PIK3C2G: variants seen among roughly 807,000 people sequenced by gnomAD.
The protein encoded by PIK3C2G is phosphatidylinositol 3-kinase C2 domain-containing subunit gamma.
PIK3C2G carries 168 observed loss-of-function variants against 181.1 expected under a neutral mutation model. That is an observed-to-expected ratio of 0.93 (90% CI 0.82 to 1.05). The LOEUF is 1.05. Among genes scored for constraint, PIK3C2G ranks in the 50% least tolerant of loss-of-function variants. PIK3C2G has a pLI of 0.00. For missense variants in PIK3C2G, 1,869 were observed against 1,732.8 expected (o/e 1.08, Z -1.40); for synonymous variants, 573 against 592.2 (o/e 0.97, Z 0.47).
At chr12:18,400,873 A>G (rs1944213331) in intron 16 of PIK3C2G, among the ~76,000 whole-genome samples, 1 of 151,912 alleles carries the variant, frequency 6.6e-6, no homozygotes, top group South Asian at 2.1e-4. Flanking sequence ...CTTTATATAT[A>G]TAATGGAATA....
At chr12:18,373,588 G>A (rs1355830807) in intron 13 of PIK3C2G, among the ~76,000 whole-genome samples, 26 of 152,070 alleles carry the variant, frequency 1.7e-4, no homozygotes, top group African/African-American at 6.0e-4. Context: ...GGTGGCTCAC[G>A]CCTGTAATCC....
At chr12:18,577,095 G>A (rs1946268625) in intron 29 of PIK3C2G, among the ~76,000 whole-genome samples, 1 of 152,204 alleles carries the variant, frequency 6.6e-6, no homozygotes, top group South Asian at 2.1e-4. Context: ...AATATTGGAA[G>A]CAGCAGACTT....
chr12:18,591,584 G>A (rs920010922), intron 29 of PIK3C2G, among the ~76,000 whole-genome samples: 6 of 151,824 alleles, frequency 4.0e-5, no homozygotes, highest in African/African-American at 1.4e-4. Context: ...ATATAATTCA[G>A]CAAAGGTAAG....
chr12:18,593,246 C>G (rs1947179942), intron 29 of PIK3C2G, among the ~76,000 whole-genome samples: 1 of 151,854 alleles, frequency 6.6e-6, no homozygotes, highest in Non-Finnish European at 1.5e-5. Context: ...TCCTGGAGTA[C>G]TGGTTATTAG....
intron 5 of PIK3C2G, among the ~76,000 whole-genome samples, chr12:18,308,490 C>T (rs1950508863): frequency 7.8e-6 from 1 of 128,760 alleles, no homozygotes; most frequent in South Asian, 2.9e-4. Flanking sequence ...TTAAAAAGCT[C>T]TAAAATATAG....
chr12:18,258,510 A>T (rs947494143), upstream of PIK3C2G, among the ~76,000 whole-genome samples: 1 of 152,038 alleles, frequency 6.6e-6, no homozygotes, highest in Non-Finnish European at 1.5e-5. Context: ...TTTAGATTTC[A>T]CACATGAGTA....
At chr12:18,385,413 A>G (rs537748887) in intron 14 of PIK3C2G, among the ~76,000 whole-genome samples, 52 of 152,248 alleles carry the variant, frequency 3.4e-4, no homozygotes, top group Admixed American at 1.2e-3. Flanking sequence ...CAGATAATAC[A>G]TAAGTTACTG....
chr12:18,388,607 C>T (rs866665425), intron 14 of PIK3C2G, among the ~76,000 whole-genome samples: 20 of 152,188 alleles, frequency 1.3e-4, no homozygotes, highest in African/African-American at 4.3e-4. Flanking sequence ...TACGCACAGT[C>T]CAAGTGGAAG....
chr12:18,285,576 T>A lies in PIK3C2G; in HGVS notation c.679-1271T>A, dbSNP rs544305832. ...TAATAACATAATGGGTGGAAGGGGT[T>A]AAATGTTATTTTGCTATTGTAAATT... On this transcript the variant is annotated intron_variant, in intron 2 of 32. Coordinates refer to ENST00000538779, the MANE Select transcript of PIK3C2G (RefSeq NM_001288772.2). 3.9e-5 allele frequency among the ~76,000 whole-genome samples: 6 copies of A among 152,180 alleles called. No individual in the cohort carries two copies. The South Asian group carries it at 1.2e-3, about 32-fold the overall frequency.
the PIK3C2G span, among the ~76,000 whole-genome samples, chr12:18,690,921 C>A: frequency 6.6e-6 from 1 of 152,030 alleles, no homozygotes; most frequent in African/African-American, 2.4e-5. Flanking sequence ...AGATAGTAGT[C>A]AAGAGACACA....
At chr12:18,595,152 A>G (rs756833144) in intron 30 of PIK3C2G, among the ~76,000 whole-genome samples, 10 of 152,104 alleles carry the variant, frequency 6.6e-5, no homozygotes, top group Non-Finnish European at 1.2e-4. Context: ...AAACTAATAT[A>G]ATAAGCAAGG....
chr12:18,329,451 A>G (rs539409542), intron 8 of PIK3C2G, among the ~76,000 whole-genome samples: 50 of 152,106 alleles, frequency 3.3e-4, no homozygotes, highest in African/African-American at 1.2e-3. Flanking sequence ...TTATCATTTC[A>G]TCACCAAAGT....
At chr12:18,689,514 T>C in the PIK3C2G span, among the ~76,000 whole-genome samples, 1 of 152,142 alleles carries the variant, frequency 6.6e-6, no homozygotes, top group African/African-American at 2.4e-5. Flanking sequence ...TAATTCCTCT[T>C]CTTCCAACGT....
At chr12:18,561,343 C>T (rs910506900) in intron 26 of PIK3C2G, among the ~76,000 whole-genome samples, 1 of 152,166 alleles carries the variant, frequency 6.6e-6, no homozygotes. Flanking sequence ...GACAGGCATA[C>T]TGGCACATGC....
At chr12:18,397,420 T>A (rs1030328451) in intron 15 of PIK3C2G, among the ~76,000 whole-genome samples, 20 of 151,966 alleles carry the variant, frequency 1.3e-4, no homozygotes, top group Non-Finnish European at 5.9e-5. Context: ...ATTTTTGTAT[T>A]CAGAGTATAT....
intron 31 of PIK3C2G, among the ~76,000 whole-genome samples, chr12:18,634,125 C>A (rs1949483961): frequency 1.3e-5 from 2 of 152,162 alleles, no homozygotes. Flanking sequence ...GCCATTTCAT[C>A]GTTCTGTAGA....
chr12:18,377,736 A>C (rs898540920), intron 13 of PIK3C2G, among the ~76,000 whole-genome samples: 9 of 152,222 alleles, frequency 5.9e-5, no homozygotes, highest in African/African-American at 2.2e-4. Flanking sequence ...ATTTTAACTA[A>C]CATAATAAAT....
chr12:18,408,217 A>G (rs1243005383), intron 16 of PIK3C2G, among the ~76,000 whole-genome samples: 1 of 152,092 alleles, frequency 6.6e-6, no homozygotes, highest in Non-Finnish European at 1.5e-5. Flanking sequence ...TAAGTCTTTA[A>G]TCTATGTTGA....
chr12:18,351,719 G>A (rs150137102), intron 11 of PIK3C2G, among the ~76,000 whole-genome samples: 105 of 152,248 alleles, frequency 6.9e-4, no homozygotes, highest in African/African-American at 2.4e-3. Flanking sequence ...GCATATGCAC[G>A]TCATCCTGTA....
Sources: allele counts gnomAD v4.1 joint callset (sites outside exome capture counted in the v4.1 genomes callset), GRCh38; gene constraint gnomAD v4.1.1; transcripts MANE v1.5; gene names NCBI Gene and HGNC (gene_info 2026-07-23, HGNC 2026-07-21).